SKAP1: variants seen among roughly 807,000 people sequenced by gnomAD.
The protein encoded by SKAP1 is src kinase associated phosphoprotein 1.
SKAP1 carries 44 observed loss-of-function variants against 58.5 expected under a neutral mutation model. That is an observed-to-expected ratio of 0.75 (90% CI 0.59 to 0.97). The LOEUF is 0.97. SKAP1 is among the 50% of genes least tolerant of loss of function. SKAP1 has a pLI of 0.00. For synonymous variants in SKAP1, 127 were observed against 149.7 expected (o/e 0.85, Z 1.11); for missense variants, 390 against 435.2 (o/e 0.90, Z 0.92).
chr17:48,243,387 A>G (rs1336197555), intron 4 of SKAP1, among the ~76,000 whole-genome samples: 2 of 152,154 alleles, frequency 1.3e-5, no homozygotes, highest in Non-Finnish European at 2.9e-5. Context: ...GACAAACCCA[A>G]TGGCAATAAG....
At chr17:48,231,508 C>T (rs2065125474) in intron 4 of SKAP1, among the ~76,000 whole-genome samples, 1 of 151,072 alleles carries the variant, frequency 6.6e-6, no homozygotes, top group Non-Finnish European at 1.5e-5. Context: ...GTACTAAATA[C>T]TCTATGTAGT....
the SKAP1 span, among the ~76,000 whole-genome samples, chr17:48,436,230 C>A: frequency 1.3e-5 from 2 of 152,104 alleles, no homozygotes; most frequent in South Asian, 2.1e-4. Flanking sequence ...TGCCACCATG[C>A]CAGGCTAATT....
chr17:48,197,215 G>A (rs965386648), intron 4 of SKAP1, among the ~76,000 whole-genome samples: 1 of 132,704 alleles, frequency 7.5e-6, no homozygotes, highest in Non-Finnish European at 1.5e-5. Flanking sequence ...CCGAGATTGC[G>A]CCACTGCACT....
chr17:48,245,009 A>C (rs2065279917), intron 4 of SKAP1, among the ~76,000 whole-genome samples: 1 of 152,210 alleles, frequency 6.6e-6, no homozygotes. Flanking sequence ...AAGGTTAGAG[A>C]AAGAACACAC....
At chr17:48,232,762 G>T (rs2065139119) in intron 4 of SKAP1, among the ~76,000 whole-genome samples, 1 of 152,242 alleles carries the variant, frequency 6.6e-6, no homozygotes, top group South Asian at 2.1e-4. Flanking sequence ...GCTCAGGCTG[G>T]CTCAATACTG....
chr17:48,286,241 T>C (rs1485800765), intron 4 of SKAP1, among the ~76,000 whole-genome samples: 1 of 152,264 alleles, frequency 6.6e-6, no homozygotes, highest in African/African-American at 2.4e-5. Flanking sequence ...TGTGGGATTA[T>C]TGTTAGACCA....
chr17:48,257,692 GGTC>G, intron 4 of SKAP1, among the ~76,000 whole-genome samples: 2 of 146,868 alleles, frequency 1.4e-5, no homozygotes, highest in African/African-American at 5.0e-5. Context: ...TGAATTTGAG[GGTC>G]TCTCACACTG....
chr17:48,426,347 C>A (rs189262481), intron 1 of SKAP1, among the ~76,000 whole-genome samples: 113 of 152,322 alleles, frequency 7.4e-4, no homozygotes, highest in Middle Eastern at 3.4e-3. Context: ...GGATTTAGTA[C>A]CATGTAGGCA....
Position 48,420,869 on chromosome 17 carries a change from A to T in SKAP1, c.46+9206T>A, listed in dbSNP as rs1480563492. Among the ~76,000 whole-genome samples the T allele has an allele frequency of 3.3e-5, 5 of 152,052 alleles. No individual in the cohort carries two copies. In the East Asian group the frequency reaches 7.7e-4, roughly 23 times the overall value. On this transcript the variant is annotated intron_variant, in intron 1 of 12. Transcript: ENST00000336915. ...AAGTTTAGCAGCATCCTTAGCTTCT[A>T]CCCACTAGATGCCAGGAGCACCCTC...
intron 11 of SKAP1, among the ~76,000 whole-genome samples, chr17:48,148,459 C>T (rs2063858912): frequency 6.6e-6 from 1 of 152,210 alleles, no homozygotes; most frequent in African/African-American, 2.4e-5. Context: ...CCATGTGAGA[C>T]GGGCGTATTA....
chr17:48,162,490 G>C lies in SKAP1; in HGVS notation c.957C>G (p.Asp319Glu), dbSNP rs746994680. 5 of 1,613,718 alleles carry C rather than the reference G, an allele frequency of 3.1e-6. No homozygotes were observed. The highest frequency in any genetic ancestry group is 3.3e-5 in the Admixed American group (2 of 59,986). ...QPDELSFQRG[D>E]LIRILSKEYN... ...TTACCTTGCTCAGAATACGGATGAGGTCACCCCGTTGGAAGGACAGTTCAT... is the reference window on the plus strand; with the variant it reads ...TTACCTTGCTCAGAATACGGATGAGCTCACCCCGTTGGAAGGACAGTTCAT... Residue 319 changes from aspartate to glutamate, a missense_variant, in exon 11 of 13, where the codon GAC becomes GAG. Asp to Glu is a conservative substitution (Grantham distance 45). Transcript: ENST00000336915.
chr17:48,366,292 G>A (rs2067001037), intron 2 of SKAP1, among the ~76,000 whole-genome samples: 1 of 152,196 alleles, frequency 6.6e-6, no homozygotes, highest in Admixed American at 6.5e-5. Context: ...ACATAAGAAA[G>A]TGGAGAAGAA....
At chr17:48,157,368 T>C (rs1213253611) in intron 11 of SKAP1, among the ~76,000 whole-genome samples, 1 of 151,952 alleles carries the variant, frequency 6.6e-6, no homozygotes, top group Non-Finnish European at 1.5e-5. Context: ...CCTGAGTAGC[T>C]GGGATTACAG....
chr17:48,221,620 G>A (rs954072830), intron 4 of SKAP1, among the ~76,000 whole-genome samples: 3 of 152,184 alleles, frequency 2.0e-5, no homozygotes, highest in African/African-American at 7.2e-5. Context: ...TTTATAAGGA[G>A]GTTACTAACC....
intron 1 of SKAP1, among the ~76,000 whole-genome samples, chr17:48,415,674 T>C (rs1262868034): frequency 6.6e-6 from 1 of 152,162 alleles, no homozygotes; most frequent in East Asian, 1.9e-4. Flanking sequence ...GCCCTTCCAC[T>C]GGTTCTCACC....
chr17:48,204,973 T>TTTCTTTCTTTCTTTCTTTTTCTTTC (rs1555602828), intron 4 of SKAP1, among the ~76,000 whole-genome samples: 4 of 77,296 alleles, frequency 5.2e-5, no homozygotes, highest in African/African-American at 2.5e-4. Flanking sequence ...TTTTCTTTTC[T>TTTCTTTCTTTCTTTCTTTTTCTTTC]TTTCTTTCTT....
intron 4 of SKAP1, among the ~76,000 whole-genome samples, chr17:48,196,955 G>A (rs1274538036): frequency 6.6e-6 from 1 of 152,218 alleles, no homozygotes; most frequent in Non-Finnish European, 1.5e-5. Context: ...ACAGCCAGAA[G>A]CTCTCAAAAA....
intron 4 of SKAP1, among the ~76,000 whole-genome samples, chr17:48,343,058 C>A (rs889852339): frequency 3.9e-5 from 6 of 152,010 alleles, no homozygotes; most frequent in African/African-American, 1.4e-4. Flanking sequence ...TCTATAAAGA[C>A]ACTAACTTTA....
At chr17:48,388,977 TG>T (rs1250599108) in intron 2 of SKAP1, among the ~76,000 whole-genome samples, 1 of 152,234 alleles carries the variant, frequency 6.6e-6, no homozygotes, top group Admixed American at 6.5e-5. Flanking sequence ...TTGGAGATTA[TG>T]TGGCCATAAA....
Sources: gnomAD v4.1 joint callset for allele counts (sites outside exome capture counted in the v4.1 genomes callset) on GRCh38, gnomAD v4.1.1 for gene constraint, MANE v1.5 for transcripts, NCBI Gene and HGNC (gene_info 2026-07-23, HGNC 2026-07-21) for gene names.